Variants in ATP13A4 observed in about 807,000 individuals in gnomAD.
The protein encoded by ATP13A4 is ATPase 13A4, also known as probable cation-transporting ATPase 13A4.
Under a neutral mutation model 142.5 loss-of-function variants are expected in ATP13A4, and 114 were observed. The ratio of observed to expected loss-of-function variants is 0.80; its 90% CI spans 0.69 to 0.93. ATP13A4 has a LOEUF of 0.93. Ranked by LOEUF, ATP13A4 falls within the 40% of genes least tolerant of loss-of-function variation. The pLI is 0.00. For synonymous variants in ATP13A4, 488 were observed against 514.8 expected, an observed-to-expected ratio of 0.95 and a Z score of 0.70; for missense variants, 1,392 against 1,454.0, an observed-to-expected ratio of 0.96 and a Z score of 0.69.
intron 1 of ATP13A4, among the ~76,000 whole-genome samples, chr3:193,542,946 A>G (rs1207358695): frequency 6.6e-6 from 1 of 152,196 alleles, no homozygotes; most frequent in Non-Finnish European, 1.5e-5. Context: ...TGGGCAGATC[A>G]CAAGGTCAGG....
chr3:193,475,496 T>C (rs1718911962), intron 8 of ATP13A4, among the ~76,000 whole-genome samples: 1 of 151,900 alleles, frequency 6.6e-6, no homozygotes, highest in South Asian at 2.1e-4. Flanking sequence ...GAATATTATA[T>C]ATAATCTGTT....
At chr3:193,527,959 ACATGTGACAGCT>A (rs1197806532) in intron 1 of ATP13A4, among the ~76,000 whole-genome samples, 2 of 152,144 alleles carry the variant, frequency 1.3e-5, no homozygotes, top group Admixed American at 1.3e-4. Context: ...TGAACATGAC[ACATGTGACAGCT>A]TGCAACCCCC....
chr3:193,587,829 T>C (rs1456758849), intron 1 of ATP13A4, among the ~76,000 whole-genome samples: 2 of 152,164 alleles, frequency 1.3e-5, no homozygotes, highest in Non-Finnish European at 2.9e-5. Flanking sequence ...GTAAAAACTA[T>C]GGGTTATGCC....
intron 16 of ATP13A4, among the ~76,000 whole-genome samples, chr3:193,455,340 C>CA (rs71179306): frequency 0.051 from 3,864 of 75,074 alleles, 265 homozygotes; most frequent in African/African-American, 0.15. Context: ...GACTCCGTCT[C>CA]AAAAAAAAAA....
rs931602260 is a variant in ATP13A4 at position 193,399,081 on chromosome 3, G to A, written c.*3571C>T. ...GGTGTGTATGTGAACATTTCCATAA[G>A]CACATAAGGATACAGATGTCACAGA... On this transcript the variant is annotated 3_prime_UTR_variant, in exon 30 of 30. Coordinates refer to ENST00000342695, the MANE Select transcript of ATP13A4 (RefSeq NM_032279.4). Among the ~76,000 whole-genome samples, 1 of 152,062 alleles carries A rather than the reference G, an allele frequency of 6.6e-6. No individual in the cohort carries two copies. The highest frequency in any genetic ancestry group is 2.4e-5 in the African/African-American group (1 of 41,408).
chr3:193,528,677 A>T (rs1478320658), intron 1 of ATP13A4, among the ~76,000 whole-genome samples: 1 of 152,126 alleles, frequency 6.6e-6, no homozygotes, highest in African/African-American at 2.4e-5. Flanking sequence ...TCTCAGGGGG[A>T]TTTTTTAATG....
intron 17 of ATP13A4, among the ~76,000 whole-genome samples, chr3:193,449,261 A>G (rs1717134022): frequency 6.6e-6 from 1 of 152,252 alleles, no homozygotes; most frequent in Admixed American, 6.5e-5. Flanking sequence ...GAATACATTC[A>G]GGATCAGGAG....
intron 9 of ATP13A4, among the ~76,000 whole-genome samples, chr3:193,467,780 C>A (rs1421025601): frequency 2.6e-5 from 4 of 151,988 alleles, no homozygotes; most frequent in Non-Finnish European, 4.4e-5. Flanking sequence ...ATTTAGGGAA[C>A]CACAGGCTGT....
At chr3:193,550,148 C>A (rs1220104159) in intron 1 of ATP13A4, among the ~76,000 whole-genome samples, 1 of 152,102 alleles carries the variant, frequency 6.6e-6, no homozygotes, top group Non-Finnish European at 1.5e-5. Context: ...AATGTGATGT[C>A]ACTGAATTAG....
intron 27 of ATP13A4, among the ~76,000 whole-genome samples, chr3:193,411,274 A>T (rs1714754076): frequency 6.6e-6 from 1 of 152,190 alleles, no homozygotes; most frequent in Non-Finnish European, 1.5e-5. Flanking sequence ...GAAAATTTTC[A>T]CATGCACATT....
upstream of ATP13A4, among the ~76,000 whole-genome samples, chr3:193,559,792 G>A (rs1384521633): frequency 6.6e-6 from 1 of 152,106 alleles, no homozygotes; most frequent in Non-Finnish European, 1.5e-5. Context: ...TTTGCTTTCT[G>A]TTATTTCCAA....
Position 193,407,385 on chromosome 3 carries a change from G to C in ATP13A4, c.3306C>G (p.Cys1102Trp). 6.2e-7 allele frequency: 1 copy of C among 1,612,874 alleles called. No individual in the cohort carries two copies. Among genetic ancestry groups the C allele is most frequent in the Non-Finnish European group, 8.5e-7 (1 of 1,178,956 alleles). Reference sequence around the variant, plus strand: ...TGGAGGCCCTCCACAGGACGGGAGTGCAGAGCAGCTGGCGGGAGATGATGA... The same window carrying C: ...TGGAGGCCCTCCACAGGACGGGAGTCCAGAGCAGCTGGCGGGAGATGATGA... The part of the protein sequence containing the change: ...PELYRRLDLL[C>W]TPVLWRASIV... Residue 1102 changes from cysteine to tryptophan, a missense_variant, in exon 29 of 30, where the codon TGC becomes TGG. Coordinates refer to ENST00000342695, the MANE Select transcript of ATP13A4 (RefSeq NM_032279.4).
At chr3:193,574,695 G>A (rs1724356993) in intron 2 of ATP13A4, among the ~76,000 whole-genome samples, 1 of 152,158 alleles carries the variant, frequency 6.6e-6, no homozygotes, top group Non-Finnish European at 1.5e-5. Context: ...CAGCCTGGGT[G>A]ACAGAGTGAG....
At chr3:193,441,658 G>A in intron 19 of ATP13A4, 70 bp from the exon 20 acceptor site, 1 of 1,560,220 alleles carries the variant, frequency 6.4e-7, no homozygotes, top group Non-Finnish European at 8.8e-7. Context: ...AAGCATATCT[G>A]AGAGAAGTTA....
At chr3:193,484,357 G>T (rs1361747238) in intron 7 of ATP13A4, among the ~76,000 whole-genome samples, 1 of 136,466 alleles carries the variant, frequency 7.3e-6, no homozygotes, top group Non-Finnish European at 1.6e-5. Flanking sequence ...AAATAAATAA[G>T]GAGTATGGTG....
rs1717275542 is a variant in ATP13A4 at position 193,451,511 on chromosome 3, C to CA, written c.2027+2589dup. ...CCTTTCATGAGCATTTAATCTGAAC[C>CA]AAAAAAATTAAAAGGAGTAATTCCT... On this transcript the variant is annotated intron_variant, in intron 17 of 29. Coordinates refer to ENST00000342695, the MANE Select transcript of ATP13A4 (RefSeq NM_032279.4). Among the ~76,000 whole-genome samples, 3 of 152,148 alleles carry CA rather than the reference C, an allele frequency of 2.0e-5. No homozygotes were observed. In the South Asian group the frequency reaches 6.2e-4, roughly 32 times the overall value.
At chr3:193,508,977 T>C (rs1003576120) in intron 2 of ATP13A4, among the ~76,000 whole-genome samples, 1 of 136,990 alleles carries the variant, frequency 7.3e-6, no homozygotes, top group Non-Finnish European at 1.6e-5. Flanking sequence ...GCTTATAATC[T>C]AGACTGTCCA....
At chr3:193,573,294 TA>T (rs1560287316) in intron 2 of ATP13A4, among the ~76,000 whole-genome samples, 2 of 88,514 alleles carry the variant, frequency 2.3e-5, no homozygotes, top group African/African-American at 1.0e-4. Flanking sequence ...TATATACACA[TA>T]TATATATATA....
intron 29 of ATP13A4, among the ~76,000 whole-genome samples, chr3:193,407,032 A>C (rs1265687507): frequency 6.6e-6 from 1 of 152,232 alleles, no homozygotes; most frequent in Non-Finnish European, 1.5e-5. Context: ...AATTTTAAAA[A>C]GTAAATTGTG....
Sources: allele counts gnomAD v4.1 joint callset (sites outside exome capture counted in the v4.1 genomes callset), GRCh38; gene constraint gnomAD v4.1.1; transcripts MANE v1.5; gene names NCBI Gene and HGNC (gene_info 2026-07-23, HGNC 2026-07-21).